Variants in MACROD2 observed in about 807,000 individuals in gnomAD.
MACROD2 encodes the protein mono-ADP ribosylhydrolase 2, also known as ADP-ribose glycohydrolase MACROD2.
MACROD2 carries 36 observed loss-of-function variants against 70.4 expected under a neutral mutation model. The observed-to-expected ratio is 0.51, with a 90% CI of 0.39 to 0.68. The LOEUF (loss-of-function observed/expected upper bound fraction) is 0.68. Among genes scored for constraint, MACROD2 ranks in the 30% least tolerant of loss-of-function variants. The pLI is 0.00. For synonymous variants in MACROD2, 172 were observed against 178.8 expected, an observed-to-expected ratio of 0.96 and a Z score of 0.30; for missense variants, 496 against 538.4, an observed-to-expected ratio of 0.92 and a Z score of 0.78.
intron 3 of MACROD2, among the ~76,000 whole-genome samples, chr20:14,290,703 T>A (rs2082379319): frequency 6.6e-6 from 1 of 152,148 alleles, no homozygotes; most frequent in Non-Finnish European, 1.5e-5. Flanking sequence ...TACACAGGGT[T>A]TCTCCATGTT....
chr20:14,440,013 A>G (rs2084104035), intron 3 of MACROD2, among the ~76,000 whole-genome samples: 1 of 152,118 alleles, frequency 6.6e-6, no homozygotes, highest in Admixed American at 6.5e-5. Context: ...CCCGTAGGTC[A>G]TCTCTGAGAT....
intron 3 of MACROD2, among the ~76,000 whole-genome samples, chr20:14,303,314 G>A (rs2082492396): frequency 6.6e-6 from 1 of 152,134 alleles, no homozygotes; most frequent in African/African-American, 2.4e-5. Context: ...TCTGCCTGAC[G>A]CTGGCCGTAG....
At chr20:15,044,446 G>GAGT (rs1401603980) in intron 5 of MACROD2, among the ~76,000 whole-genome samples, 1 of 152,090 alleles carries the variant, frequency 6.6e-6, no homozygotes, top group Non-Finnish European at 1.5e-5. Flanking sequence ...CTGAGTCAAT[G>GAGT]AGTACATCTG....
chr20:14,587,151 G>A (rs1483398674), intron 4 of MACROD2, among the ~76,000 whole-genome samples: 1 of 151,394 alleles, frequency 6.6e-6, no homozygotes, highest in African/African-American at 2.4e-5. Context: ...CTTTATATTT[G>A]TTTCTAGGTG....
At chr20:15,995,474 T>C (rs944735545) in intron 15 of MACROD2, among the ~76,000 whole-genome samples, 4 of 151,346 alleles carry the variant, frequency 2.6e-5, no homozygotes, top group East Asian at 1.9e-4. Flanking sequence ...CTCAGCCTCC[T>C]GAGTAGCTGG....
At chr20:14,941,615 C>T (rs1387248106) in intron 5 of MACROD2, among the ~76,000 whole-genome samples, 1 of 152,084 alleles carries the variant, frequency 6.6e-6, no homozygotes, top group Non-Finnish European at 1.5e-5. Flanking sequence ...ACTGTCTCCT[C>T]ATATTTTAGT....
Position 15,625,334 on chromosome 20 carries a change from C to T in MACROD2, c.645+125487C>T, listed in dbSNP as rs964046259. ...GGACTGTGGAAGGCCATTAATGTGA[C>T]ATGCTCTGTGGTATTCAGATACCTT... On this transcript the variant is annotated intron_variant, in intron 8 of 17. Coordinates refer to ENST00000684519, the MANE Select transcript of MACROD2 (RefSeq NM_001351661.2). Among the ~76,000 whole-genome samples the T allele has an allele frequency of 1.3e-5, 2 of 152,204 alleles. 1 individual carries two copies. Among genetic ancestry groups the T allele is most frequent in the East Asian group, 3.9e-4 (2 of 5,182 alleles).
chr20:14,391,325 A>G (rs1006042530), intron 3 of MACROD2, among the ~76,000 whole-genome samples: 2 of 152,224 alleles, frequency 1.3e-5, no homozygotes, highest in Non-Finnish European at 2.9e-5. Flanking sequence ...TTGCAGGGAT[A>G]TGGATGGAGC....
intron 6 of MACROD2, among the ~76,000 whole-genome samples, chr20:15,355,918 C>G (rs543136918): frequency 6.6e-6 from 1 of 152,244 alleles, no homozygotes; most frequent in Non-Finnish European, 1.5e-5. Context: ...AACAAACAAA[C>G]AAAAACACTG....
At chr20:14,236,283 G>A (rs774796532) in intron 3 of MACROD2, among the ~76,000 whole-genome samples, 3 of 152,008 alleles carry the variant, frequency 2.0e-5, no homozygotes, top group Admixed American at 6.6e-5. Flanking sequence ...ATTCATGATC[G>A]ATTAAGTGAG....
At chr20:15,825,892 A>G (rs2063992583) in intron 8 of MACROD2, among the ~76,000 whole-genome samples, 2 of 152,166 alleles carry the variant, frequency 1.3e-5, no homozygotes, top group African/African-American at 4.8e-5. Flanking sequence ...ATTCATGAAG[A>G]GCAGTCAATG....
intron 3 of MACROD2, among the ~76,000 whole-genome samples, chr20:14,391,696 A>G (rs2122804533): frequency 6.6e-6 from 1 of 151,210 alleles, no homozygotes; most frequent in South Asian, 2.1e-4. Flanking sequence ...GGAGGCCATT[A>G]TCTTAAGCAA....
Position 15,494,736 on chromosome 20 carries a change from G to GGTGTGTGT in MACROD2, c.572-5018_572-5011dup, listed in dbSNP as rs550716316. Reference sequence around the variant, plus strand: ...TCTTATACCTTGAGCTGCATAATGGGGTGTGTGTGTGTGTGTGTGTGTGTG... The same window carrying GGTGTGTGT: ...TCTTATACCTTGAGCTGCATAATGGGGTGTGTGTGTGTGTGTGTGTGTGTGTGTGTGTG... On this transcript the variant is annotated intron_variant, in intron 7 of 17. Transcript: ENST00000684519. Among the ~76,000 whole-genome samples the GGTGTGTGT allele has an allele frequency of 1.7e-3, 192 of 110,210 alleles. 2 individuals carry two copies. Among genetic ancestry groups the GGTGTGTGT allele is most frequent in the Non-Finnish European group, 3.0e-3 (155 of 52,404 alleles). 72.3% of individuals were successfully genotyped at this position (110,210 alleles called of 152,430 possible). A position where few individuals can be genotyped will look rare whatever the true frequency, so the allele number is the denominator to read the frequency against.
intron 8 of MACROD2, among the ~76,000 whole-genome samples, chr20:15,826,855 T>A (rs1022142195): frequency 6.6e-6 from 1 of 152,190 alleles, no homozygotes. Flanking sequence ...GTTCTCAGCA[T>A]TTTTAATAAC....
intron 5 of MACROD2, among the ~76,000 whole-genome samples, chr20:14,720,598 G>A (rs1704028529): frequency 8.6e-6 from 1 of 116,204 alleles, no homozygotes; most frequent in African/African-American, 3.3e-5. Flanking sequence ...TCTGTTGCCA[G>A]GTTGGTGTGC....
At position 14,740,878 on chromosome 20, in the gene MACROD2, G is replaced by C. The variant is rs979267739; in HGVS notation, c.418+55919G>C. 2.6e-5 allele frequency among the ~76,000 whole-genome samples: 4 copies of C among 152,120 alleles called. 1 individual carries two copies. Among genetic ancestry groups the C allele is most frequent in the Non-Finnish European group, 4.4e-5 (3 of 68,020 alleles). On this transcript the variant is annotated intron_variant, in intron 5 of 17. Coordinates refer to ENST00000684519, the MANE Select transcript of MACROD2 (RefSeq NM_001351661.2). ...GGCCCTTTGTGGGCCCTTCTCCTTT[G>C]TTGGGGATTAGCATACTGGGTTGTG...
intron 5 of MACROD2, among the ~76,000 whole-genome samples, chr20:14,719,109 G>A (rs1396550800): frequency 2.0e-5 from 3 of 152,062 alleles, no homozygotes; most frequent in Admixed American, 2.0e-4. Flanking sequence ...GTGTGCACCT[G>A]TAGTCCCAGC....
At chr20:15,684,913 A>C (rs1294714308) in intron 8 of MACROD2, among the ~76,000 whole-genome samples, 2 of 152,230 alleles carry the variant, frequency 1.3e-5, no homozygotes, top group African/African-American at 4.8e-5. Context: ...GCTTTTGGTC[A>C]AAAGAGAGGA....
intron 6 of MACROD2, among the ~76,000 whole-genome samples, chr20:15,246,265 G>C (rs2077104663): frequency 6.6e-6 from 1 of 152,120 alleles, no homozygotes; most frequent in African/African-American, 2.4e-5. Context: ...GTAAATGTGA[G>C]TGTATGTGTA....
Sources: allele counts gnomAD v4.1 joint callset (sites outside exome capture counted in the v4.1 genomes callset), GRCh38; gene constraint gnomAD v4.1.1; transcripts MANE v1.5; gene names NCBI Gene and HGNC (gene_info 2026-07-23, HGNC 2026-07-21).